The following CORO7 variants were observed in gnomAD, a reference collection of about 807,000 sequenced individuals.
The protein encoded by CORO7 is coronin 7.
In CORO7, 107 loss-of-function variants were observed where a neutral mutation model predicts 126.6. The observed-to-expected ratio is 0.85, with a 90% CI of 0.72 to 0.99. The LOEUF (loss-of-function observed/expected upper bound fraction) is 0.99, where lower values mean the gene tolerates loss of function less well. Ranked by LOEUF, CORO7 falls within the 50% of genes least tolerant of loss-of-function variation. The pLI is 0.00. For synonymous variants in CORO7, 603 were observed against 536.8 expected (o/e 1.12, Z -1.70); for missense variants, 1,314 against 1,255.8 (o/e 1.05, Z -0.70).
rs760144929 is a variant in CORO7 at position 4,364,841 on chromosome 16, C to T, written c.978G>A (p.Glu326=). The T allele has an allele frequency of 6.2e-7, 1 of 1,612,234 alleles. No homozygotes were observed. The highest frequency in any genetic ancestry group is 8.5e-7 in the Non-Finnish European group (1 of 1,179,868). The stretch of plus-strand genomic sequence containing the variant: ...CGCTCAGCTGTAGGACGCGGAGTAC[C>T]TCGCAGCTCATGACGGCCAGCGCCT... The part of the protein sequence containing the change: ...PRQALAVMSC[E]VLRVLQLSDT... Residue 326 remains glutamate (E), a synonymous_variant, in exon 12 of 28, where the codon GAG becomes GAA. Transcript: ENST00000251166.
intron 14 of CORO7, 35 bp downstream of exon 14, chr16:4,364,240 TC>T: frequency 6.7e-7 from 1 of 1,500,726 alleles, no homozygotes; most frequent in South Asian, 1.4e-5. Context: ...CACTGCAGTG[TC>T]GCTGAGGGAG....
chr16:4,394,239 A>C (rs542379442), intron 7 of CORO7, among the ~76,000 whole-genome samples: 1 of 151,778 alleles, frequency 6.6e-6, no homozygotes, highest in East Asian at 1.9e-4. Context: ...AGGTCAGGAG[A>C]TCGAGACCAT....
chr16:4,390,298 T>A (rs2055342238), intron 7 of CORO7, among the ~76,000 whole-genome samples: 1 of 152,072 alleles, frequency 6.6e-6, no homozygotes, highest in African/African-American at 2.4e-5. Context: ...GAATTTACTT[T>A]TTTTTTTTAA....
intron 9 of CORO7, chr16:4,382,046 C>T: frequency 1.3e-6 from 2 of 1,593,084 alleles, no homozygotes; most frequent in Non-Finnish European, 1.7e-6. Context: ...ACTGAGGCCC[C>T]CAGCCCGCCC....
chr16:4,382,066 C>G, intron 9 of CORO7: 1 of 1,589,342 alleles, frequency 6.3e-7, no homozygotes, highest in Non-Finnish European at 8.5e-7. Flanking sequence ...CTCCACTGCC[C>G]CACCGACTGT....
At chr16:4,415,760 G>A in intron 1 of CORO7, 1 of 985,496 alleles carries the variant, frequency 1.0e-6, no homozygotes, top group Non-Finnish European at 1.2e-6. Context: ...CGTTTCCAAG[G>A]CGCACCCCTC....
At chr16:4,403,078 A>G (rs1190849392) in intron 6 of CORO7, among the ~76,000 whole-genome samples, 2 of 150,600 alleles carry the variant, frequency 1.3e-5, no homozygotes, top group African/African-American at 4.9e-5. Context: ...CCCCATCCCC[A>G]TCAGGCAGCC....
chr16:4,405,598 G>T (rs1461695890), intron 5 of CORO7, 31 bp from the exon 6 acceptor site: 3 of 1,606,186 alleles, frequency 1.9e-6, no homozygotes, highest in Non-Finnish European at 2.5e-6. Flanking sequence ...TCAGGTCCCG[G>T]GCAGTGAGGG....
intron 16 of CORO7, 110 bp from the exon 17 acceptor site, chr16:4,361,579 C>T (rs2054181979): frequency 1.6e-6 from 2 of 1,280,868 alleles, no homozygotes; most frequent in Admixed American, 4.3e-5. Flanking sequence ...GCAGCAGAGG[C>T]TCCCACCGCT....
rs140184459 is a variant in CORO7, at chr16:4,358,069, G to C, written c.2492C>G (p.Thr831Arg). ...EFFQDDVFPD[T>R]AVIWEPVLSA... Reference sequence around the variant, plus strand: ...GAGCACAGGCTCCCAGATCACAGCCGTGTCTGGGAACACGTCATCCTGGAA... The same window carrying C: ...GAGCACAGGCTCCCAGATCACAGCCCTGTCTGGGAACACGTCATCCTGGAA... The change falls in exon 25 of 28, where the codon ACG becomes AGG. Residue 831 changes from threonine to arginine, a missense_variant. Physicochemically the swap from Thr to Arg is moderately conservative, Grantham distance 71. Transcript: ENST00000251166. 7 of 1,612,780 alleles carry C rather than the reference G, an allele frequency of 4.3e-6. No homozygotes were observed. The highest frequency in any genetic ancestry group is 5.9e-6 in the Non-Finnish European group (7 of 1,179,224).
chr16:4,407,429 A>AT, intron 5 of CORO7, 72 bp downstream of exon 5: 1 of 1,504,736 alleles, frequency 6.6e-7, no homozygotes, highest in South Asian at 1.2e-5. Flanking sequence ...GTGACTAAAC[A>AT]TGCCAACAAA....
chr16:4,401,156 G>C (rs1036300330), intron 6 of CORO7, among the ~76,000 whole-genome samples: 4 of 152,230 alleles, frequency 2.6e-5, no homozygotes, highest in African/African-American at 7.2e-5. Flanking sequence ...GAAGAACTTA[G>C]ACCTGGTCAT....
At chr16:4,404,444 C>T (rs1450253422) in intron 6 of CORO7, among the ~76,000 whole-genome samples, 2 of 152,198 alleles carry the variant, frequency 1.3e-5, no homozygotes, top group Non-Finnish European at 2.9e-5. Context: ...CTTCTCATCC[C>T]CTCCTGGGGG....
chr16:4,411,765 T>TG (rs1326592134), intron 3 of CORO7, among the ~76,000 whole-genome samples: 1 of 151,998 alleles, frequency 6.6e-6, no homozygotes, highest in Non-Finnish European at 1.5e-5. Flanking sequence ...CCAGAGAGAC[T>TG]GGGCCCGCGG....
Position 4,387,858 on chromosome 16 carries a change from G to A in CORO7, c.785+128C>T, listed in dbSNP as rs188216894. ...CAGGTGTCTGTTGCAAGGCCTTGCA[G>A]CCCAGATCAGGTACCCCAGAACACC... On this transcript the variant is annotated intron_variant, in intron 9 of 27. Coordinates refer to ENST00000251166, the MANE Select transcript of CORO7 (RefSeq NM_024535.5). The A allele has an allele frequency of 1.6e-4, 196 of 1,212,126 alleles. No homozygotes were observed. In the African/African-American group the frequency reaches 2.4e-3, roughly 15 times the overall value. 75.1% of individuals were successfully genotyped at this position (1,212,126 alleles called of 1,614,324 possible).
At chr16:4,359,770 C>T (rs1337974227) in intron 21 of CORO7, 149 bp from the exon 22 acceptor site, 7 of 1,049,878 alleles carry the variant, frequency 6.7e-6, no homozygotes. Context: ...TAACCTGCCC[C>T]TCCACCTCTG....
At chr16:4,395,645 C>G (rs535803590) in intron 6 of CORO7, among the ~76,000 whole-genome samples, 2 of 152,348 alleles carry the variant, frequency 1.3e-5, no homozygotes, top group East Asian at 1.9e-4. Context: ...ACCCCTCCTA[C>G]TCTTCCAACT....
intron 9 of CORO7, among the ~76,000 whole-genome samples, chr16:4,376,385 G>A (rs2054732212): frequency 6.6e-6 from 1 of 152,190 alleles, no homozygotes; most frequent in African/African-American, 2.4e-5. Context: ...AGCCTTGGCG[G>A]GCCAGCATGA....
intron 1 of CORO7, 66 bp downstream of exon 1, chr16:4,416,393 G>C: frequency 6.8e-7 from 1 of 1,479,246 alleles, no homozygotes; most frequent in East Asian, 2.7e-5. Flanking sequence ...TGTGGGGTCC[G>C]GGCAGGGGGA....
Sources: gnomAD v4.1 joint callset for allele counts (sites outside exome capture counted in the v4.1 genomes callset) on GRCh38, gnomAD v4.1.1 for gene constraint, MANE v1.5 for transcripts, NCBI Gene and HGNC (gene_info 2026-07-23, HGNC 2026-07-21) for gene names.